The following MCTP2 variants were observed in gnomAD, a reference collection of about 807,000 sequenced individuals.
The protein encoded by MCTP2 is multiple C2 and transmembrane domain-containing protein 2.
Under a neutral mutation model 111.6 loss-of-function variants are expected in MCTP2, and 132 were observed. The ratio of observed to expected loss-of-function variants is 1.18; its 90% CI spans 1.03 to 1.37. The LOEUF is 1.37. Ranked by LOEUF, MCTP2 falls within the 40% of genes most tolerant of loss-of-function variation. MCTP2 has a pLI of 0.00. For synonymous variants in MCTP2, 395 were observed against 387.7 expected (o/e 1.02, Z -0.22); for missense variants, 1,183 against 1,067.9 (o/e 1.11, Z -1.50).
At position 94,399,038 on chromosome 15, in the gene MCTP2, A is replaced by G. The variant is rs2081420056; in HGVS notation, c.1866A>G (p.Leu622=). The change falls in exon 15 of 23, where the codon TTA becomes TTG. Residue 622 remains leucine, a synonymous_variant. Coordinates refer to ENST00000357742, the MANE Select transcript of MCTP2 (RefSeq NM_001385001.1). ...AAGCTTTTAAAGGAGTTATTTACTT[A>G]GAGATGGACCTTATATATAATCCGG... ...LEQAFKGVIY[L]EMDLIYNPVK... is the part of the protein sequence containing the mutation. 2 of 1,524,660 alleles carry G rather than the reference A, an allele frequency of 1.3e-6. No homozygotes were observed. The highest frequency in any genetic ancestry group is 9.1e-7 in the Non-Finnish European group (1 of 1,098,846). 94.4% of individuals were successfully genotyped at this position (1,524,660 alleles called of 1,614,324 possible). A position where few individuals can be genotyped will look rare whatever the true frequency, so the allele number is the denominator to read the frequency against.
intron 16 of MCTP2, 141 bp from the exon 17 acceptor site, chr15:94,401,759 A>T (rs915915189): frequency 1.5e-5 from 8 of 521,794 alleles, no homozygotes; most frequent in Non-Finnish European, 2.5e-5. Flanking sequence ...TAGAAGTGTC[A>T]GGTCTTCTCC....
chr15:94,397,063 G>A (rs1417591252), intron 14 of MCTP2, among the ~76,000 whole-genome samples: 2 of 152,176 alleles, frequency 1.3e-5, no homozygotes, highest in African/African-American at 4.8e-5. Context: ...TTTGGTGTTT[G>A]TGGAAGTTCA....
At chr15:94,256,657 A>G (rs2072791005) in intron 1 of MCTP2, among the ~76,000 whole-genome samples, 1 of 152,202 alleles carries the variant, frequency 6.6e-6, no homozygotes, top group Non-Finnish European at 1.5e-5. Flanking sequence ...GACTTAGAGA[A>G]GTAAGGGACC....
At chr15:94,272,209 A>T (rs936347862) in intron 1 of MCTP2, among the ~76,000 whole-genome samples, 4 of 150,610 alleles carry the variant, frequency 2.7e-5, no homozygotes, top group Non-Finnish European at 5.9e-5. Flanking sequence ...TGGCTAAGAC[A>T]ATTTTTTTTA....
intron 2 of MCTP2, among the ~76,000 whole-genome samples, chr15:94,304,524 A>G (rs2075793190): frequency 6.6e-6 from 1 of 152,252 alleles, no homozygotes; most frequent in Non-Finnish European, 1.5e-5. Flanking sequence ...TCACACAGAA[A>G]GTCAAATCAT....
In MCTP2 at chr15:94,312,081, G is replaced by C. The variant is rs78678808; in HGVS notation, c.466-2201G>C. ...TCTTCAAAATGGGATTGGTTAGGTA[G>C]AGCATTGATTCAATTAATAGAACTG... On this transcript the variant is annotated intron_variant, in intron 2 of 22. Transcript: ENST00000357742. Among the ~76,000 whole-genome samples the C allele has an allele frequency of 4.6e-4, 70 of 152,316 alleles. 1 individual carries two copies. Among genetic ancestry groups the C allele is most frequent in the Middle Eastern group, 6.8e-3 (2 of 294 alleles).
At chr15:94,306,390 A>G (rs1465373319) in intron 2 of MCTP2, among the ~76,000 whole-genome samples, 1 of 152,176 alleles carries the variant, frequency 6.6e-6, no homozygotes. Context: ...GGAGAATTTT[A>G]GTGACTTGCT....
intron 4 of MCTP2, among the ~76,000 whole-genome samples, chr15:94,315,903 C>G (rs550997934): frequency 2.0e-5 from 3 of 152,196 alleles, no homozygotes; most frequent in Non-Finnish European, 4.4e-5. Context: ...GATAGCTTTA[C>G]GCCTGGCCTA....
At chr15:94,245,282 A>G (rs1273581449) in intron 1 of MCTP2, among the ~76,000 whole-genome samples, 2 of 141,870 alleles carry the variant, frequency 1.4e-5, no homozygotes, top group Non-Finnish European at 3.1e-5. Flanking sequence ...ATACGTATAT[A>G]CACATATGTA....
intron 10 of MCTP2, 136 bp from the exon 11 acceptor site, chr15:94,367,468 CT>C: frequency 1.5e-6 from 1 of 648,246 alleles, no homozygotes; most frequent in Non-Finnish European, 2.6e-6. Context: ...TTAGGGCAAC[CT>C]TTGCTGCTCA....
chr15:94,275,606 C>G (rs983280058), intron 1 of MCTP2, among the ~76,000 whole-genome samples: 2 of 152,014 alleles, frequency 1.3e-5, no homozygotes, highest in African/African-American at 4.8e-5. Context: ...ACCACAAAAT[C>G]AATTTCGTAT....
intron 17 of MCTP2, among the ~76,000 whole-genome samples, chr15:94,416,009 A>G (rs1040457320): frequency 6.6e-6 from 1 of 152,074 alleles, no homozygotes; most frequent in Non-Finnish European, 1.5e-5. Context: ...AACTCCTTAA[A>G]TTCATAGTCT....
intron 14 of MCTP2, among the ~76,000 whole-genome samples, chr15:94,392,517 T>A (rs1240645441): frequency 2.0e-5 from 3 of 151,776 alleles, no homozygotes; most frequent in East Asian, 3.9e-4. Flanking sequence ...TTCAGCATTT[T>A]AAAAAATCAG....
chr15:94,361,454 C>G (rs1045487168), intron 10 of MCTP2, among the ~76,000 whole-genome samples: 3 of 152,100 alleles, frequency 2.0e-5, no homozygotes, highest in Admixed American at 2.0e-4. Flanking sequence ...GACAGTGATT[C>G]CCTGTGGAGT....
chr15:94,259,539 A>G (rs1285674721), intron 1 of MCTP2, among the ~76,000 whole-genome samples: 1 of 152,170 alleles, frequency 6.6e-6, no homozygotes, highest in Non-Finnish European at 1.5e-5. Flanking sequence ...TTTCTGTTCT[A>G]TGTAGTAGTT....
rs538284454 is a variant in MCTP2 at position 94,250,802 on chromosome 15, A to G, written c.-66+19138A>G. Reference sequence around the variant, plus strand: ...CTAGGAAAATTGACAGCAGAGCCCAACAATTTTAGTACAGAATTTATCTGC... The same window carrying G: ...CTAGGAAAATTGACAGCAGAGCCCAGCAATTTTAGTACAGAATTTATCTGC... On this transcript the variant is annotated intron_variant, in intron 1 of 22. Transcript: ENST00000357742. Among the ~76,000 whole-genome samples the G allele has an allele frequency of 5.3e-5, 8 of 152,334 alleles. No individual in the cohort carries two copies. The East Asian group carries it at 7.7e-4, about 15-fold the overall frequency.
intron 1 of MCTP2, among the ~76,000 whole-genome samples, chr15:94,292,358 A>C (rs924927391): frequency 6.6e-6 from 1 of 152,212 alleles, no homozygotes. Flanking sequence ...AAATAAAAAT[A>C]CCCAACGTGA....
rs201146125 is a variant in MCTP2, at chr15:94,440,197, A to G, written c.2107A>G (p.Asn703Asp). ...TCAGGTATTTTTGATCACTGTCTGG[A>G]ATTTTGAACTATATATGATCCCCTT... ...AFAVFLITVW[N>D]FELYMIPLAL... Residue 703 changes from asparagine to aspartate, a missense_variant, in exon 18 of 23, where the codon AAT becomes GAT. Coordinates refer to ENST00000357742, the MANE Select transcript of MCTP2 (RefSeq NM_001385001.1). The G allele has an allele frequency of 6.2e-7, 1 of 1,613,836 alleles. No individual in the cohort carries two copies. The highest frequency in any genetic ancestry group is 2.2e-5 in the East Asian group (1 of 44,854).
intron 1 of MCTP2, among the ~76,000 whole-genome samples, chr15:94,264,808 T>C (rs2073417150): frequency 6.6e-6 from 1 of 152,136 alleles, no homozygotes; most frequent in South Asian, 2.1e-4. Flanking sequence ...AGGGGAGGAA[T>C]TAGAGTAAAG....
Sources: gnomAD v4.1 joint callset for allele counts (sites outside exome capture counted in the v4.1 genomes callset) on GRCh38, gnomAD v4.1.1 for gene constraint, MANE v1.5 for transcripts, NCBI Gene and HGNC (gene_info 2026-07-23, HGNC 2026-07-21) for gene names.